Variants in CTNND2 observed in about 807,000 individuals in gnomAD.
CTNND2 encodes catenin delta 2.
CTNND2 carries 22 observed loss-of-function variants against 144.4 expected under a neutral mutation model. The observed-to-expected ratio is 0.15, with a 90% CI of 0.11 to 0.22. The LOEUF (loss-of-function observed/expected upper bound fraction) is 0.22, where lower values mean the gene tolerates loss of function less well. CTNND2 is among the 10% of genes least tolerant of loss of function. The pLI is 1.00. For missense variants in CTNND2, 1,353 were observed against 1,618.8 expected, an observed-to-expected ratio of 0.84 and a Z score of 2.82; for synonymous variants, 751 against 695.6, an observed-to-expected ratio of 1.08 and a Z score of -1.25.
intron 9 of CTNND2, among the ~76,000 whole-genome samples, chr5:11,250,443 GA>G (rs1743437560): frequency 7.6e-6 from 1 of 132,252 alleles, no homozygotes; most frequent in Non-Finnish European, 1.6e-5. Flanking sequence ...AGTTTGCGGT[GA>G]ATTTAAAGGG....
At chr5:11,392,123 G>T (rs1241014231) in intron 6 of CTNND2, among the ~76,000 whole-genome samples, 3 of 152,226 alleles carry the variant, frequency 2.0e-5, no homozygotes, top group Admixed American at 2.0e-4. Context: ...CTCTGCCACT[G>T]CAGTTAGAAG....
intron 15 of CTNND2, among the ~76,000 whole-genome samples, chr5:11,083,390 T>C (rs900196849): frequency 6.6e-6 from 1 of 152,138 alleles, no homozygotes; most frequent in Non-Finnish European, 1.5e-5. Context: ...AAATATGACA[T>C]TGAAAAGCAA....
chr5:11,637,443 C>A (rs1781769876), intron 2 of CTNND2, among the ~76,000 whole-genome samples: 2 of 152,096 alleles, frequency 1.3e-5, no homozygotes, highest in South Asian at 4.2e-4. Context: ...GAAAATAATA[C>A]CTTGCACTTA....
intron 10 of CTNND2, among the ~76,000 whole-genome samples, chr5:11,212,261 C>G (rs980479029): frequency 1.3e-5 from 2 of 152,168 alleles, no homozygotes; most frequent in Non-Finnish European, 2.9e-5. Context: ...GGGATACACA[C>G]AGGAACAAAT....
intron 11 of CTNND2, among the ~76,000 whole-genome samples, chr5:11,170,672 A>G (rs1434620763): frequency 1.3e-5 from 2 of 152,196 alleles, no homozygotes; most frequent in Non-Finnish European, 2.9e-5. Flanking sequence ...AAAAAACCCA[A>G]TTGTTCATCT....
Position 11,591,982 on chromosome 5 carries a change from C to A in CTNND2, c.175-26926G>T, listed in dbSNP as rs187034308. Among the ~76,000 whole-genome samples, 1,139 of 151,312 alleles carry A rather than the reference C, an allele frequency of 7.5e-3. 10 individuals carry two copies. The highest frequency in any genetic ancestry group is 0.021 in the East Asian group (108 of 5,112). On this transcript the variant is annotated intron_variant, in intron 2 of 21. Coordinates refer to ENST00000304623, the MANE Select transcript of CTNND2 (RefSeq NM_001332.4). Reference sequence around the variant, plus strand: ...GAAAATGTAGTTCTTATGCTACCCACCCCCCAACCCCTGACATTATTTTCT... The same window carrying A: ...GAAAATGTAGTTCTTATGCTACCCAACCCCCAACCCCTGACATTATTTTCT...
At chr5:11,765,918 T>G (rs1789559081) in intron 1 of CTNND2, among the ~76,000 whole-genome samples, 1 of 152,248 alleles carries the variant, frequency 6.6e-6, no homozygotes, top group South Asian at 2.1e-4. Context: ...ACACTGTGGA[T>G]TCTGTATTAT....
chr5:11,701,613 T>C (rs1270358273), intron 2 of CTNND2, among the ~76,000 whole-genome samples: 1 of 152,164 alleles, frequency 6.6e-6, no homozygotes, highest in Non-Finnish European at 1.5e-5. Context: ...TCATTTACTA[T>C]AACCTAGTCT....
intron 1 of CTNND2, among the ~76,000 whole-genome samples, chr5:11,742,227 A>G (rs1423282797): frequency 6.6e-6 from 1 of 152,162 alleles, no homozygotes; most frequent in Non-Finnish European, 1.5e-5. Flanking sequence ...TGACTTCTAA[A>G]CATTGCTTGT....
chr5:11,261,244 G>A (rs1158383701), intron 9 of CTNND2, among the ~76,000 whole-genome samples: 7 of 152,184 alleles, frequency 4.6e-5, no homozygotes, highest in Non-Finnish European at 1.0e-4. Flanking sequence ...TGGGCTGGCC[G>A]TTTGTCCCAG....
intron 11 of CTNND2, among the ~76,000 whole-genome samples, chr5:11,185,932 C>T (rs1194548332): frequency 1.3e-5 from 2 of 152,184 alleles, no homozygotes; most frequent in Non-Finnish European, 2.9e-5. Context: ...AAAAGTGTTT[C>T]TAATTAACTT....
chr5:11,799,065 G>C (rs1285039500), intron 1 of CTNND2, among the ~76,000 whole-genome samples: 2 of 152,078 alleles, frequency 1.3e-5, no homozygotes, highest in African/African-American at 2.4e-5. Flanking sequence ...TTTCCTTGCT[G>C]AGTGATCCTT....
intron 2 of CTNND2, among the ~76,000 whole-genome samples, chr5:11,719,867 C>CACAG (rs1442968276): frequency 6.7e-6 from 1 of 149,608 alleles, no homozygotes; most frequent in Non-Finnish European, 1.5e-5. Context: ...CACACACACA[C>CACAG]ACACACACAC....
intron 16 of CTNND2, among the ~76,000 whole-genome samples, chr5:11,077,712 CA>C (rs1399058608): frequency 1.3e-5 from 2 of 152,050 alleles, no homozygotes; most frequent in African/African-American, 4.8e-5. Context: ...GTGAAGGAAG[CA>C]CAGGGAGACT....
chr5:10,994,492 G>A (rs1258528752), intron 18 of CTNND2, among the ~76,000 whole-genome samples: 1 of 145,814 alleles, frequency 6.9e-6, no homozygotes, highest in Non-Finnish European at 1.5e-5. Flanking sequence ...GGAGGGGCGG[G>A]GTGGGTATAG....
At chr5:11,836,322 G>C (rs756780675) in intron 1 of CTNND2, among the ~76,000 whole-genome samples, 1 of 152,150 alleles carries the variant, frequency 6.6e-6, no homozygotes, top group Non-Finnish European at 1.5e-5. Flanking sequence ...TAGAAATGTG[G>C]AGAATATGCT....
chr5:11,209,646 T>A (rs1473473972), intron 10 of CTNND2, among the ~76,000 whole-genome samples: 2 of 152,318 alleles, frequency 1.3e-5, no homozygotes, highest in East Asian at 1.9e-4. Context: ...TATGCAGATA[T>A]AAGATACTGC....
In CTNND2 at chr5:11,802,128, C is replaced by G. The variant is rs1008245289; in HGVS notation, c.38-69856G>C. Among the ~76,000 whole-genome samples the G allele has an allele frequency of 2.0e-5, 3 of 152,110 alleles. No homozygotes were observed. In the East Asian group the frequency reaches 5.8e-4, roughly 29 times the overall value. ...TCTCTACTAAAAACACAAAAATTAG[C>G]CATGTGTGGTGGCCATGCCTGTAAT... On this transcript the variant is annotated intron_variant, in intron 1 of 21. Coordinates refer to ENST00000304623, the MANE Select transcript of CTNND2 (RefSeq NM_001332.4).
chr5:11,117,332 G>A (rs570252973), intron 13 of CTNND2, 118 bp downstream of exon 13: 22 of 759,286 alleles, frequency 2.9e-5, no homozygotes, highest in Non-Finnish European at 9.2e-6. Flanking sequence ...GAAACCAGGA[G>A]AGAGTTCAGA....
Sources: allele counts gnomAD v4.1 joint callset (sites outside exome capture counted in the v4.1 genomes callset), GRCh38; gene constraint gnomAD v4.1.1; transcripts MANE v1.5; gene names NCBI Gene and HGNC (gene_info 2026-07-23, HGNC 2026-07-21).